The following FSTL4 variants were observed in gnomAD, a reference collection of about 807,000 sequenced individuals.
FSTL4 encodes follistatin-related protein 4.
In FSTL4, 28 loss-of-function variants were observed where a neutral mutation model predicts 78.2. The ratio of observed to expected loss-of-function variants is 0.36; its 90% confidence interval spans 0.27 to 0.49. The LOEUF (loss-of-function observed/expected upper bound fraction) is 0.49, where lower values mean the gene tolerates loss of function less well. FSTL4 is among the 20% of genes least tolerant of loss of function. FSTL4 has a pLI of 0.98. For synonymous variants in FSTL4, 422 were observed against 440.5 expected (o/e 0.96, Z 0.53); for missense variants, 922 against 1,084.9 (o/e 0.85, Z 2.11).
At chr5:133,218,839 G>A (rs1325993758) in intron 12 of FSTL4, among the ~76,000 whole-genome samples, 1 of 152,094 alleles carries the variant, frequency 6.6e-6, no homozygotes, top group Admixed American at 6.5e-5. Context: ...GCATTCATTT[G>A]TCTACCTGGG....
chr5:133,647,881 C>T, the FSTL4 span, among the ~76,000 whole-genome samples: 11 of 152,126 alleles, frequency 7.2e-5, no homozygotes, highest in African/African-American at 1.4e-4. Flanking sequence ...TAAATTCCCA[C>T]GTGTTGTGGG....
At chr5:133,681,769 C>T in the FSTL4 span, among the ~76,000 whole-genome samples, 1 of 152,188 alleles carries the variant, frequency 6.6e-6, no homozygotes, top group Admixed American at 6.5e-5. Flanking sequence ...GACCCATCAT[C>T]AGAGCAGGGT....
At chr5:133,398,558 C>A (rs912444623) in intron 4 of FSTL4, among the ~76,000 whole-genome samples, 1 of 152,220 alleles carries the variant, frequency 6.6e-6, no homozygotes, top group African/African-American at 2.4e-5. Flanking sequence ...TCTCTACTCT[C>A]GGCCTGTGGC....
At chr5:133,759,346 G>T in the FSTL4 span, among the ~76,000 whole-genome samples, 1 of 152,210 alleles carries the variant, frequency 6.6e-6, no homozygotes, top group East Asian at 1.9e-4. Context: ...TACATGCATA[G>T]TGAGAGCATA....
intron 3 of FSTL4, among the ~76,000 whole-genome samples, chr5:133,460,777 G>A (rs1231757877): frequency 3.9e-5 from 6 of 152,164 alleles, no homozygotes; most frequent in Non-Finnish European, 7.3e-5. Context: ...CAGTTTCCTC[G>A]TTTGATAAAC....
the FSTL4 span, among the ~76,000 whole-genome samples, chr5:133,715,203 T>A: frequency 6.6e-6 from 1 of 152,202 alleles, no homozygotes; most frequent in African/African-American, 2.4e-5. Context: ...TTGCATAAAC[T>A]CCAATTTCCT....
chr5:133,385,673 G>A (rs1393895407), intron 4 of FSTL4, among the ~76,000 whole-genome samples: 6 of 152,198 alleles, frequency 3.9e-5, no homozygotes, highest in Admixed American at 2.0e-4. Context: ...GAGAGACTGC[G>A]CAGGTGCTCA....
intron 3 of FSTL4, among the ~76,000 whole-genome samples, chr5:133,474,914 A>G (rs1443565161): frequency 1.3e-5 from 2 of 152,188 alleles, no homozygotes; most frequent in Admixed American, 1.3e-4. Flanking sequence ...CCATGGGGGA[A>G]CTCAGCCTCA....
the FSTL4 span, among the ~76,000 whole-genome samples, chr5:133,692,685 T>C: frequency 1.1e-4 from 17 of 152,168 alleles, no homozygotes; most frequent in Non-Finnish European, 1.8e-4. Context: ...CCACAGGAGA[T>C]GTGAGAGGAA....
chr5:133,629,472 A>G, the FSTL4 span, among the ~76,000 whole-genome samples: 1 of 152,212 alleles, frequency 6.6e-6, no homozygotes, highest in African/African-American at 2.4e-5. Flanking sequence ...TGAATAGACC[A>G]ATAACAAGTT....
intron 4 of FSTL4, among the ~76,000 whole-genome samples, chr5:133,355,709 C>T (rs1207913866): frequency 6.6e-6 from 1 of 152,118 alleles, no homozygotes; most frequent in Non-Finnish European, 1.5e-5. Flanking sequence ...ACAACAATGC[C>T]TAGTTTTGTT....
intron 3 of FSTL4, among the ~76,000 whole-genome samples, chr5:133,500,616 A>T (rs1758473994): frequency 1.3e-5 from 2 of 152,204 alleles, no homozygotes; most frequent in South Asian, 4.1e-4. Context: ...TACCCACAAA[A>T]TAATGAAGGT....
chr5:133,828,285 GTACATATGTATAGGTA>G, the FSTL4 span, among the ~76,000 whole-genome samples: 9 of 152,092 alleles, frequency 5.9e-5, no homozygotes, highest in African/African-American at 2.2e-4. Flanking sequence ...AAAATTCTAA[GTACATATGTATAGGTA>G]TACATACACA....
At chr5:133,713,543 T>G in the FSTL4 span, among the ~76,000 whole-genome samples, 1 of 152,152 alleles carries the variant, frequency 6.6e-6, no homozygotes, top group Non-Finnish European at 1.5e-5. Flanking sequence ...AAAAGTAGGA[T>G]AGATGCACTG....
intron 4 of FSTL4, among the ~76,000 whole-genome samples, chr5:133,333,649 A>G (rs1473567207): frequency 3.9e-5 from 6 of 152,202 alleles, no homozygotes; most frequent in African/African-American, 1.4e-4. Context: ...TGGGATTTCC[A>G]GGTCTTTTAA....
intron 5 of FSTL4, among the ~76,000 whole-genome samples, chr5:133,315,762 C>A (rs1235449968): frequency 6.6e-6 from 1 of 152,154 alleles, no homozygotes; most frequent in Non-Finnish European, 1.5e-5. Flanking sequence ...CCAGCCCACC[C>A]CAGCTTTTCT....
chr5:133,620,333 T>C, the FSTL4 span, among the ~76,000 whole-genome samples: 1 of 152,226 alleles, frequency 6.6e-6, no homozygotes, highest in Non-Finnish European at 1.5e-5. Flanking sequence ...GGATACAGCC[T>C]TTATTCTCAA....
chr5:133,482,458 G>T lies in FSTL4; in HGVS notation c.161-81472C>A, dbSNP rs534860400. On this transcript the variant is annotated intron_variant, in intron 3 of 15. Transcript: ENST00000265342. Reference sequence around the variant, plus strand: ...GGTTAGTCTGGGCTCAGCCATGGTTGTTGCAGGCCCTCAAGAGTTCACAGA... The same window carrying T: ...GGTTAGTCTGGGCTCAGCCATGGTTTTTGCAGGCCCTCAAGAGTTCACAGA... 5.3e-5 allele frequency among the ~76,000 whole-genome samples: 8 copies of T among 152,364 alleles called. No individual in the cohort carries two copies. In the East Asian group the frequency reaches 1.3e-3, roughly 26 times the overall value.
rs756118826 is a variant in FSTL4 at position 133,225,289 on chromosome 5, A to AG, written c.1178-6dup. ...TGTGGAGTTCGCTCCCATTGGCTGC[A>AG]GACAGGACAGTGCTCAGGGTGGACT... On this transcript the variant is annotated splice_region_variant and splice_polypyrimidine_tract_variant and intron_variant, in intron 9 of 15. Transcript: ENST00000265342. This position sits in a 1 kb window ranked among gnomAD's most constrained non-coding sequence, Gnocchi z 4.6. 33 of 1,614,062 alleles carry AG rather than the reference A, an allele frequency of 2.0e-5. No homozygotes were observed. The highest frequency in any genetic ancestry group is 2.8e-5 in the Non-Finnish European group (33 of 1,180,032).
Sources: allele counts gnomAD v4.1 joint callset (sites outside exome capture counted in the v4.1 genomes callset), GRCh38; gene constraint gnomAD v4.1.1; non-coding constraint Gnocchi (gnomAD v3.1); transcripts MANE v1.5; gene names NCBI Gene and HGNC (gene_info 2026-07-23, HGNC 2026-07-21).